Variants in ILRUN observed in about 807,000 individuals in gnomAD.
The protein encoded by ILRUN is inflammation and lipid regulator with UBA-like and NBR1-like domains.
Under a neutral mutation model 33.8 loss-of-function variants are expected in ILRUN, and 3 were observed. The ratio of observed to expected loss-of-function variants is 0.09; its 90% CI spans 0.04 to 0.23. ILRUN has a LOEUF of 0.23. ILRUN is among the 10% of genes least tolerant of loss of function. The probability of loss-of-function intolerance (pLI) is 1.00; values close to 1 mark genes in which losing one functional copy is unlikely to be tolerated. For missense variants in ILRUN, 210 were observed against 375.1 expected (o/e 0.56, Z 3.64); for synonymous variants, 124 against 138.9 (o/e 0.89, Z 0.75).
chr6:34,683,430 A>G (rs989184393), intron 1 of ILRUN, among the ~76,000 whole-genome samples: 20,757 of 78,716 alleles, frequency 0.26, 2,487 homozygotes, highest in African/African-American at 0.49. Context: ...ATATATATAC[A>G]TATATATATA....
chr6:34,680,862 G>GA (rs2127383809), intron 1 of ILRUN, among the ~76,000 whole-genome samples: 1 of 151,572 alleles, frequency 6.6e-6, no homozygotes, highest in South Asian at 2.1e-4. Flanking sequence ...GAACAGGAAA[G>GA]AAAGAAAAAG....
intron 1 of ILRUN, among the ~76,000 whole-genome samples, chr6:34,659,760 T>A (rs532926057): frequency 6.6e-6 from 1 of 151,802 alleles, no homozygotes; most frequent in East Asian, 2.0e-4. Flanking sequence ...TAGCTGGGAT[T>A]ACAGGCATGT....
intron 1 of ILRUN, among the ~76,000 whole-genome samples, chr6:34,668,015 G>C (rs1763039250): frequency 6.6e-6 from 1 of 152,100 alleles, no homozygotes; most frequent in Non-Finnish European, 1.5e-5. Flanking sequence ...AGTGACAATA[G>C]TACTGTAGTC....
intron 3 of ILRUN, among the ~76,000 whole-genome samples, chr6:34,633,300 GA>G (rs1299807826): frequency 6.6e-6 from 1 of 152,012 alleles, no homozygotes; most frequent in African/African-American, 2.4e-5. Context: ...ACTGAAAGGA[GA>G]AAAAAAGTAA....
chr6:34,613,249 A>C (rs1424345319), intron 3 of ILRUN, among the ~76,000 whole-genome samples: 4 of 151,922 alleles, frequency 2.6e-5, no homozygotes, highest in East Asian at 3.9e-4. Flanking sequence ...ACAACAACAA[A>C]AAACCAAAGC....
In ILRUN at chr6:34,616,523, T is replaced by A. The variant is rs1217614495; in HGVS notation, c.512-9619A>T. ...AGTGCAAAAGTCAGTATTATGCTCT[T>A]TTCAGGCTGGAACCATGGAGGGTGT... On this transcript the variant is annotated intron_variant, in intron 3 of 4. Transcript: ENST00000374023. The A allele has an allele frequency of 1.0e-5, 11 of 1,062,962 alleles. No homozygotes were observed. The Admixed American group carries it at 1.1e-4, about 11-fold the overall frequency. The allele number at this position is 1,062,962 out of a possible 1,614,324, so 65.8% of individuals were successfully genotyped here. A position where few individuals can be genotyped will look rare whatever the true frequency, so the allele number is the denominator to read the frequency against.
Position 34,680,763 on chromosome 6 carries a change from C to A in ILRUN, c.158+15683G>T, listed in dbSNP as rs144429666. On this transcript the variant is annotated intron_variant, in intron 1 of 4. Coordinates refer to ENST00000374023, the MANE Select transcript of ILRUN (RefSeq NM_024294.4). The stretch of plus-strand genomic sequence containing the variant: ...CTATTTTTTATTTTTATATTTTTTT[C>A]TATTTTTTTTAACTTTTTGCCAACA... Among the ~76,000 whole-genome samples the A allele has an allele frequency of 9.1e-3, 1,379 of 151,778 alleles. 10 individuals are homozygous for A. Among genetic ancestry groups the A allele is most frequent in the Middle Eastern group, 0.024 (7 of 294 alleles).
chr6:34,641,605 T>C (rs190039766), intron 3 of ILRUN, among the ~76,000 whole-genome samples: 2 of 152,280 alleles, frequency 1.3e-5, no homozygotes, highest in Non-Finnish European at 1.5e-5. Flanking sequence ...GGCATTCATA[T>C]ATACTTCTGT....
chr6:34,616,238 G>A (rs1157387776), intron 3 of ILRUN, among the ~76,000 whole-genome samples: 1 of 152,226 alleles, frequency 6.6e-6, no homozygotes, highest in Non-Finnish European at 1.5e-5. Flanking sequence ...AAGGTCAACA[G>A]GAAGATTATG....
At chr6:34,593,359 C>T (rs73409987) in intron 4 of ILRUN, among the ~76,000 whole-genome samples, 3,291 of 152,270 alleles carry the variant, frequency 0.022, 123 homozygotes, top group African/African-American at 0.072. Context: ...ATAAAGCAAC[C>T]ACTGGCTTTA....
chr6:34,607,007 C>T, intron 3 of ILRUN, 103 bp from the exon 4 acceptor site: 1 of 857,582 alleles, frequency 1.2e-6, no homozygotes, highest in Non-Finnish European at 1.8e-6. Flanking sequence ...CAGAATGAAA[C>T]ATTCTTCTAT....
intron 3 of ILRUN, among the ~76,000 whole-genome samples, chr6:34,635,544 A>AAAGGAAGGAAGGAAGG (rs571458905): frequency 5.8e-5 from 7 of 120,158 alleles, no homozygotes; most frequent in African/African-American, 1.0e-4. Flanking sequence ...AAAAAGAAAG[A>AAAGGAAGGAAGGAAGG]AAGGAAGGAA....
At chr6:34,640,623 T>C (rs1324833619) in intron 3 of ILRUN, among the ~76,000 whole-genome samples, 1 of 151,850 alleles carries the variant, frequency 6.6e-6, no homozygotes, top group Non-Finnish European at 1.5e-5. Context: ...GGCAGAAGAA[T>C]TGCTTGAACC....
intron 4 of ILRUN, among the ~76,000 whole-genome samples, chr6:34,601,708 C>T (rs79316477): frequency 1.8e-5 from 2 of 111,028 alleles, no homozygotes; most frequent in Non-Finnish European, 3.7e-5. Context: ...AGTACCCGCC[C>T]CCCCAACTAC....
At chr6:34,645,542 T>C (rs953360870) in intron 3 of ILRUN, among the ~76,000 whole-genome samples, 1 of 152,052 alleles carries the variant, frequency 6.6e-6, no homozygotes, top group Non-Finnish European at 1.5e-5. Context: ...GCCAGGCTAA[T>C]TTTATTTTTT....
At chr6:34,665,140 CTT>C (rs752441367) in intron 1 of ILRUN, among the ~76,000 whole-genome samples, 15 of 141,200 alleles carry the variant, frequency 1.1e-4, no homozygotes, top group Admixed American at 2.1e-4. Context: ...CTCATCTTAT[CTT>C]TTTTTTTTTT....
At chr6:34,686,682 A>T (rs1355499522) in intron 1 of ILRUN, 3 of 210,080 alleles carry the variant, frequency 1.4e-5, no homozygotes, top group Non-Finnish European at 3.0e-5. Context: ...AGTATAAGAA[A>T]GGCAGGCCGG....
chr6:34,631,046 G>C (rs575969252), intron 3 of ILRUN, among the ~76,000 whole-genome samples: 73 of 151,952 alleles, frequency 4.8e-4, no homozygotes, highest in Non-Finnish European at 9.6e-4. Flanking sequence ...TTTTTCCATT[G>C]AAGAACTTAG....
rs1762693158 is a variant in ILRUN at position 34,652,668 on chromosome 6, A to C, written c.313+1957T>G. 3.3e-5 allele frequency among the ~76,000 whole-genome samples: 5 copies of C among 152,216 alleles called. No homozygotes were observed. In the South Asian group the frequency reaches 1.0e-3, roughly 31 times the overall value. On this transcript the variant is annotated intron_variant, in intron 2 of 4. Transcript: ENST00000374023. ...AGTCCTCAGAGTTTTAAATCATCTCATATAAAATTAACTTGCTAGACAGGG... is the reference window on the plus strand; with the variant it reads ...AGTCCTCAGAGTTTTAAATCATCTCCTATAAAATTAACTTGCTAGACAGGG...
Sources: gnomAD v4.1 joint callset for allele counts (sites outside exome capture counted in the v4.1 genomes callset) on GRCh38, gnomAD v4.1.1 for gene constraint, MANE v1.5 for transcripts, NCBI Gene and HGNC (gene_info 2026-07-23, HGNC 2026-07-21) for gene names.